Variants in GRIA3 observed in about 807,000 individuals in gnomAD.
GRIA3 encodes glutamate receptor 3.
Under a neutral mutation model 63.0 loss-of-function variants are expected in GRIA3, and 3 were observed. That is an observed-to-expected ratio of 0.05 (90% CI 0.02 to 0.12). The LOEUF (loss-of-function observed/expected upper bound fraction) is 0.12. Among genes scored for constraint, GRIA3 ranks in the 10% least tolerant of loss-of-function variants. GRIA3 has a pLI of 1.00. For missense variants in GRIA3, 347 were observed against 700.9 expected (o/e 0.50, Z 5.70); for synonymous variants, 274 against 257.9 (o/e 1.06, Z -0.60).
At chrX:123,202,460 T>A (rs1205519975) in intron 2 of GRIA3, among the ~76,000 whole-genome samples, 1 of 112,585 alleles carries the variant, frequency 8.9e-6, no homozygotes, top group Non-Finnish European at 1.9e-5. Context: ...AAATGTGGTC[T>A]CACTAGTCTT....
At chrX:123,359,197 C>T (rs933266952) in intron 5 of GRIA3, among the ~76,000 whole-genome samples, 2 of 111,695 alleles carry the variant, frequency 1.8e-5, no homozygotes, top group Non-Finnish European at 3.8e-5. Context: ...ATATTAAATA[C>T]ATATTGGAAA....
At chrX:123,255,845 T>A (rs923980050) in intron 3 of GRIA3, among the ~76,000 whole-genome samples, 10 of 110,788 alleles carry the variant, frequency 9.0e-5, no homozygotes, top group African/African-American at 3.3e-4. Context: ...TACACTAATT[T>A]ACCCCTTGAA....
At position 123,301,404 on chromosome X, in the gene GRIA3, C is replaced by T. The variant is rs111340600; in HGVS notation, c.509-24622C>T. ...TACTTAGATCTTGTTGAATTGAACC[C>T]TTTACTGTTATGGAAAGACCTTCTT... On this transcript the variant is annotated intron_variant, in intron 3 of 15. Transcript: ENST00000620443. 8.0e-3 allele frequency among the ~76,000 whole-genome samples: 895 copies of T among 111,185 alleles called. 3 individuals are homozygous for T. The highest frequency in any genetic ancestry group is 0.014 in the Middle Eastern group (3 of 218).
intron 5 of GRIA3, among the ~76,000 whole-genome samples, chrX:123,377,518 G>T (rs2147366489): frequency 8.9e-6 from 1 of 112,140 alleles, no homozygotes; most frequent in African/African-American, 3.2e-5. Flanking sequence ...ATTCCCACAT[G>T]GATTTTTAAA....
chrX:123,457,630 T>C (rs1472129813), intron 12 of GRIA3, among the ~76,000 whole-genome samples: 11 of 112,579 alleles, frequency 9.8e-5, no homozygotes, highest in Non-Finnish European at 2.1e-4. Flanking sequence ...ACCAATACTG[T>C]CTTTACAAAT....
At chrX:123,330,287 G>A (rs1183243593) in intron 4 of GRIA3, among the ~76,000 whole-genome samples, 1 of 111,951 alleles carries the variant, frequency 8.9e-6, no homozygotes, top group African/African-American at 3.2e-5. Context: ...ATTGAAACTT[G>A]GAGACATTTA....
chrX:123,383,899 A>G (rs2147371188), intron 5 of GRIA3, among the ~76,000 whole-genome samples: 1 of 109,566 alleles, frequency 9.1e-6, no homozygotes, highest in South Asian at 4.0e-4. Context: ...CTGTAGTTCT[A>G]CTCTATGTGT....
chrX:123,427,549 G>A (rs867421334), intron 11 of GRIA3, among the ~76,000 whole-genome samples: 4 of 111,307 alleles, frequency 3.6e-5, no homozygotes, highest in African/African-American at 6.5e-5. Context: ...ATTTTTTCCT[G>A]TAATTAAAAG....
chrX:123,406,134 G>A (rs1375816373), intron 10 of GRIA3, among the ~76,000 whole-genome samples: 1 of 112,391 alleles, frequency 8.9e-6, no homozygotes, highest in East Asian at 2.8e-4. Flanking sequence ...ACAGATCTTG[G>A]GCAGCTTAAT....
Position 123,326,037 on chromosome X carries a change from C to T in GRIA3, c.520C>T (p.Leu174Phe). ...LYDTERGFSI[L>F]QAIMEAAVQN... ...TTTCCTTCCTTCAGGATTTTCCATCCTCCAAGCGATTATGGAAGCAGCAGT... is the reference window on the plus strand; with the variant it reads ...TTTCCTTCCTTCAGGATTTTCCATCTTCCAAGCGATTATGGAAGCAGCAGT... The change falls in exon 4 of 16, where the codon CTC (leucine) becomes TTC (phenylalanine). Residue 174 changes from leucine to phenylalanine, a missense_variant. By Grantham distance (22) the Leu-to-Phe change is conservative. Around this residue, in one of 8 missense-constraint regions of GRIA3, gnomAD observed 113 missense variants for 130.6 expected, o/e 0.87. Transcript: ENST00000620443. 1 of 1,206,096 alleles carries T rather than the reference C, an allele frequency of 8.3e-7. No individual in the cohort carries two copies. Among genetic ancestry groups the T allele is most frequent in the Non-Finnish European group, 1.1e-6 (1 of 890,673 alleles).
chrX:123,244,808 G>A (rs1396195936), intron 2 of GRIA3, among the ~76,000 whole-genome samples: 1 of 112,303 alleles, frequency 8.9e-6, no homozygotes, highest in East Asian at 2.8e-4. Flanking sequence ...AGACCAAAAT[G>A]TCAATATTGC....
chrX:123,283,619 A>G (rs989519530), intron 3 of GRIA3, among the ~76,000 whole-genome samples: 6 of 111,397 alleles, frequency 5.4e-5, no homozygotes. Context: ...CAGTGTAAAC[A>G]AAGCCACCTG....
At chrX:123,424,529 A>G (rs764547090) in intron 11 of GRIA3, among the ~76,000 whole-genome samples, 1 of 111,797 alleles carries the variant, frequency 8.9e-6, no homozygotes, top group South Asian at 3.7e-4. Context: ...CACTGATTCC[A>G]CTGAAGCTCC....
At chrX:123,444,278 T>C (rs1185048159) in intron 12 of GRIA3, among the ~76,000 whole-genome samples, 1 of 110,921 alleles carries the variant, frequency 9.0e-6, no homozygotes, top group East Asian at 2.8e-4. Flanking sequence ...TGTAGCTGGG[T>C]AGACATAAAC....
At chrX:123,197,850 A>T (rs1927616015) in intron 2 of GRIA3, among the ~76,000 whole-genome samples, 1 of 112,235 alleles carries the variant, frequency 8.9e-6, no homozygotes. Flanking sequence ...CCCCAGTTAT[A>T]AAGTGGTGAT....
At chrX:123,433,665 A>T (rs1362930416) in intron 12 of GRIA3, among the ~76,000 whole-genome samples, 3 of 112,007 alleles carry the variant, frequency 2.7e-5, no homozygotes, top group East Asian at 5.6e-4. Context: ...AATGTTTAAC[A>T]TTAATTTAAA....
At chrX:123,289,621 G>A (rs751410481) in intron 3 of GRIA3, among the ~76,000 whole-genome samples, 8 of 108,991 alleles carry the variant, frequency 7.3e-5, no homozygotes, top group South Asian at 4.0e-4. Flanking sequence ...CCCAATATTC[G>A]GTTTGGATAA....
At chrX:123,417,856 A>G (rs1314219466) in intron 11 of GRIA3, 78 bp downstream of exon 11, 1 of 890,721 alleles carries the variant, frequency 1.1e-6, no homozygotes, top group African/African-American at 2.0e-5. Context: ...GTATTCATCC[A>G]TCTCAACTCC....
chrX:123,215,094 T>C (rs1053949609), intron 2 of GRIA3, among the ~76,000 whole-genome samples: 2 of 112,143 alleles, frequency 1.8e-5, no homozygotes, highest in African/African-American at 6.5e-5. Flanking sequence ...TTTCAACAAT[T>C]GATAGTTCGC....
Sources: gnomAD v4.1 joint callset for allele counts (sites outside exome capture counted in the v4.1 genomes callset) on GRCh38, gnomAD v4.1.1 for gene constraint, gnomAD v4.1.1 regional missense constraint, MANE v1.5 for transcripts, NCBI Gene and HGNC (gene_info 2026-07-23, HGNC 2026-07-21) for gene names.